The following PPP2R2C variants were observed in gnomAD, a reference collection of about 807,000 sequenced individuals.
PPP2R2C encodes the protein protein phosphatase 2, regulatory subunit B, gamma.
A neutral mutation model predicts 45.3 loss-of-function variants in PPP2R2C; 10 were observed. That is an observed-to-expected ratio of 0.22 (90% CI 0.14 to 0.37). The LOEUF (loss-of-function observed/expected upper bound fraction) is 0.37, where lower values mean the gene tolerates loss of function less well. PPP2R2C is among the 10% of genes least tolerant of loss of function. The probability of loss-of-function intolerance (pLI) is 1.00; values close to 1 mark genes in which losing one functional copy is unlikely to be tolerated. For missense variants in PPP2R2C, 308 were observed against 619.7 expected (o/e 0.50, Z 5.34); for synonymous variants, 257 against 245.4 (o/e 1.05, Z -0.44).
At chr4:6,553,590 G>C (rs1725258559) in intron 1 of PPP2R2C, among the ~76,000 whole-genome samples, 1 of 152,168 alleles carries the variant, frequency 6.6e-6, no homozygotes, top group Admixed American at 6.5e-5. Flanking sequence ...AGGGGAAAAA[G>C]GGCCAATCAG....
chr4:6,465,554 G>C (rs769323809), intron 1 of PPP2R2C, among the ~76,000 whole-genome samples: 3 of 152,008 alleles, frequency 2.0e-5, no homozygotes, highest in Non-Finnish European at 1.5e-5. Flanking sequence ...TATTCAAAAA[G>C]CAAAGGAAAA....
At chr4:6,418,444 C>T (rs1466065097) in intron 1 of PPP2R2C, among the ~76,000 whole-genome samples, 1 of 152,262 alleles carries the variant, frequency 6.6e-6, no homozygotes, top group Non-Finnish European at 1.5e-5. Flanking sequence ...GGTCTAGCTC[C>T]AACTCCACGC....
intron 1 of PPP2R2C, among the ~76,000 whole-genome samples, chr4:6,399,908 G>A (rs1036222339): frequency 6.6e-6 from 1 of 152,352 alleles, no homozygotes; most frequent in East Asian, 1.9e-4. Context: ...AGCCAAAGAT[G>A]GGGGTCTTTG....
chr4:6,559,540 C>A lies in PPP2R2C; in HGVS notation c.-59+4020G>T, dbSNP rs935062519. On this transcript the variant is annotated intron_variant, in intron 1 of 9. Transcript: ENST00000506140. ...CCCAACACCTTAACCCAATTCTTGCCCCATGCATAACTTCCTCCAAAATCC... is the reference window on the plus strand; with the variant it reads ...CCCAACACCTTAACCCAATTCTTGCACCATGCATAACTTCCTCCAAAATCC... Among the ~76,000 whole-genome samples, 4 of 152,154 alleles carry A rather than the reference C, an allele frequency of 2.6e-5. No homozygotes were observed. In the East Asian group the frequency reaches 7.7e-4, roughly 29 times the overall value.
At chr4:6,383,058 T>A in intron 1 of PPP2R2C, 2 of 1,090,738 alleles carry the variant, frequency 1.8e-6, no homozygotes, top group Non-Finnish European at 2.2e-6. Flanking sequence ...ATTCTGGGCT[T>A]GTCCCTGTGT....
intron 2 of PPP2R2C, among the ~76,000 whole-genome samples, chr4:6,531,060 A>T (rs1455727297): frequency 6.6e-6 from 1 of 152,198 alleles, no homozygotes; most frequent in South Asian, 2.1e-4. Context: ...GGCATCCCCA[A>T]GAAAGATCAC....
chr4:6,561,826 G>C (rs1476429372), intron 1 of PPP2R2C, among the ~76,000 whole-genome samples: 1 of 152,238 alleles, frequency 6.6e-6, no homozygotes, highest in African/African-American at 2.4e-5. Flanking sequence ...TCCTAAGAGA[G>C]CTGAAGAAGG....
intron 1 of PPP2R2C, chr4:6,382,872 T>C: frequency 9.0e-7 from 1 of 1,112,404 alleles, no homozygotes; most frequent in Non-Finnish European, 1.1e-6. Flanking sequence ...CCAGGACTGA[T>C]CCTGGCACTC....
At chr4:6,338,481 T>A (rs1733173043) in intron 6 of PPP2R2C, among the ~76,000 whole-genome samples, 1 of 152,070 alleles carries the variant, frequency 6.6e-6, no homozygotes, top group Non-Finnish European at 1.5e-5. Context: ...GACCTGTGAA[T>A]CAAAGGAAAC....
upstream of PPP2R2C, among the ~76,000 whole-genome samples, chr4:6,472,642 G>C (rs1330378081): frequency 4.1e-5 from 6 of 147,638 alleles, no homozygotes; most frequent in African/African-American, 1.2e-4. Context: ...CGCCGCCGCC[G>C]CTGTCGCAGG....
intron 1 of PPP2R2C, among the ~76,000 whole-genome samples, chr4:6,458,242 G>C (rs1463311001): frequency 6.6e-6 from 1 of 152,138 alleles, no homozygotes. Flanking sequence ...CTCATCACTG[G>C]GAGTGGCTTA....
At chr4:6,534,430 A>G (rs1236321028) in intron 2 of PPP2R2C, among the ~76,000 whole-genome samples, 3 of 151,208 alleles carry the variant, frequency 2.0e-5, no homozygotes, top group Admixed American at 6.6e-5. Context: ...ACACACCAAC[A>G]CATACACATA....
At chr4:6,382,410 C>T (rs1308735419) in intron 1 of PPP2R2C, 10 of 1,351,568 alleles carry the variant, frequency 7.4e-6, no homozygotes, top group Non-Finnish European at 2.0e-6. Context: ...CACAGGGTTC[C>T]CTGTCCCAGC....
intron 2 of PPP2R2C, among the ~76,000 whole-genome samples, chr4:6,525,462 A>G (rs763548135): frequency 4.6e-5 from 7 of 151,714 alleles, no homozygotes; most frequent in Non-Finnish European, 7.4e-5. Flanking sequence ...AGATGACTAA[A>G]TGGACCCCCT....
intron 1 of PPP2R2C, among the ~76,000 whole-genome samples, chr4:6,470,562 G>A (rs540923976): frequency 1.7e-3 from 262 of 152,300 alleles, no homozygotes; most frequent in Admixed American, 4.1e-3. Context: ...AGCGAGCCTG[G>A]GAGCAGCGGG....
chr4:6,427,877 C>T (rs1719412512), intron 1 of PPP2R2C, among the ~76,000 whole-genome samples: 1 of 152,190 alleles, frequency 6.6e-6, no homozygotes, highest in Non-Finnish European at 1.5e-5. Context: ...CGGGCACAGG[C>T]AGGACTCTGG....
intron 5 of PPP2R2C, among the ~76,000 whole-genome samples, chr4:6,354,297 C>T (rs1048450490): frequency 9.9e-5 from 15 of 152,078 alleles, no homozygotes; most frequent in African/African-American, 2.4e-4. Context: ...TCACCTTGGC[C>T]GCTTCTCCCT....
intron 1 of PPP2R2C, among the ~76,000 whole-genome samples, chr4:6,452,129 C>A (rs1175464060): frequency 6.6e-6 from 1 of 152,164 alleles, no homozygotes; most frequent in Non-Finnish European, 1.5e-5. Context: ...GGGGTCCCAG[C>A]CCCAAGAGCC....
At chr4:6,411,701 C>T (rs546467941) in intron 1 of PPP2R2C, among the ~76,000 whole-genome samples, 50 of 151,924 alleles carry the variant, frequency 3.3e-4, no homozygotes, top group Admixed American at 3.3e-4. Flanking sequence ...TACAGGCGCC[C>T]GCCACCACAC....
Sources: allele counts gnomAD v4.1 joint callset (sites outside exome capture counted in the v4.1 genomes callset), GRCh38; gene constraint gnomAD v4.1.1; transcripts MANE v1.5; gene names NCBI Gene and HGNC (gene_info 2026-07-23, HGNC 2026-07-21).